KAZN: variants seen among roughly 807,000 people sequenced by gnomAD.
KAZN encodes the protein kazrin, periplakin interacting protein.
In KAZN, 40 loss-of-function variants were observed where a neutral mutation model predicts 87.4. The observed-to-expected ratio is 0.46, with a 90% CI of 0.36 to 0.60. The LOEUF is 0.60. Among genes scored for constraint, KAZN ranks in the 20% least tolerant of loss-of-function variants. The probability of loss-of-function intolerance (pLI) is 0.00; values close to 1 mark genes in which losing one functional copy is unlikely to be tolerated. For missense variants in KAZN, 898 were observed against 1,073.9 expected (o/e 0.84, Z 2.29); for synonymous variants, 466 against 458.3 (o/e 1.02, Z -0.22).
intron 2 of KAZN, among the ~76,000 whole-genome samples, chr1:14,343,597 G>T (rs1261942106): frequency 6.6e-6 from 1 of 152,110 alleles, no homozygotes; most frequent in Non-Finnish European, 1.5e-5. Flanking sequence ...CCTCAAAGAG[G>T]ATCATCATCT....
At chr1:14,538,534 G>T (rs1412730484) in intron 2 of KAZN, among the ~76,000 whole-genome samples, 2 of 152,180 alleles carry the variant, frequency 1.3e-5, no homozygotes, top group African/African-American at 4.8e-5. Flanking sequence ...CTCACATGGT[G>T]GAAGGTGAGA....
At chr1:14,371,647 G>A (rs138387607) in intron 2 of KAZN, among the ~76,000 whole-genome samples, 3 of 152,286 alleles carry the variant, frequency 2.0e-5, no homozygotes, top group African/African-American at 7.2e-5. Context: ...CATGACAAGA[G>A]AGTAAGAATG....
At chr1:13,989,320 A>G (rs1470127112) in intron 1 of KAZN, among the ~76,000 whole-genome samples, 1 of 152,160 alleles carries the variant, frequency 6.6e-6, no homozygotes, top group Non-Finnish European at 1.5e-5. Context: ...CACCTACTAT[A>G]TAAAAAGCAC....
intron 1 of KAZN, among the ~76,000 whole-genome samples, chr1:13,917,797 CAAAAAAAAA>C (rs35268955): frequency 2.6e-5 from 2 of 77,946 alleles, no homozygotes; most frequent in African/African-American, 1.1e-4. Flanking sequence ...CCTGTGTCAT[CAAAAAAAAA>C]AAAAAAAAAA....
At chr1:15,004,766 T>G (rs1668831935) in intron 2 of KAZN, among the ~76,000 whole-genome samples, 1 of 152,186 alleles carries the variant, frequency 6.6e-6, no homozygotes, top group Admixed American at 6.5e-5. Context: ...AATCCTGCCT[T>G]AAGCGCTCAT....
chr1:14,884,979 G>T (rs72870381), intron 1 of KAZN, among the ~76,000 whole-genome samples: 203 of 152,336 alleles, frequency 1.3e-3, no homozygotes, highest in African/African-American at 4.7e-3. Flanking sequence ...AACACGTATC[G>T]TAATGCTGTG....
intron 1 of KAZN, among the ~76,000 whole-genome samples, chr1:14,955,811 C>T (rs74059691): frequency 0.087 from 13,185 of 152,244 alleles, 1,858 homozygotes; most frequent in African/African-American, 0.29. Context: ...GATGCCCTTC[C>T]TGTGCCTGCC....
At position 14,919,179 on chromosome 1, in the gene KAZN, TTTTG is replaced by T. The variant is rs1019626748; in HGVS notation, c.227-41493_227-41490del. Among the ~76,000 whole-genome samples the T allele has an allele frequency of 5.3e-5, 8 of 152,224 alleles. No homozygotes were observed. In the East Asian group the frequency reaches 7.7e-4, roughly 15 times the overall value. On this transcript the variant is annotated intron_variant, in intron 1 of 14. Transcript: ENST00000376030. The stretch of plus-strand genomic sequence containing the variant: ...TCAGATGCAGAGACAGGAGGCACTT[TTTTG>T]TTTGTTTGTTTTTGAGACAGTCTCG...
chr1:14,683,688 CT>C lies in KAZN; in HGVS notation c.226+84466del, dbSNP rs893930717. 9.2e-5 allele frequency among the ~76,000 whole-genome samples: 14 copies of C among 152,334 alleles called. No individual in the cohort carries two copies. The East Asian group carries it at 1.7e-3, about 19-fold the overall frequency. ...ATCTTCTCCCCAGCTCCCAGCCCCC[CT>C]ATCTGGTACCAAGGAGATCCTCAGG... On this transcript the variant is annotated intron_variant, in intron 1 of 14. Coordinates refer to ENST00000376030, the MANE Select transcript of KAZN (RefSeq NM_201628.3).
At chr1:14,510,846 G>A (rs1670863340) in intron 2 of KAZN, among the ~76,000 whole-genome samples, 1 of 152,196 alleles carries the variant, frequency 6.6e-6, no homozygotes, top group African/African-American at 2.4e-5. Context: ...AATGGACTGG[G>A]AGGTATGGAC....
chr1:15,098,481 G>A (rs566965034), intron 10 of KAZN, among the ~76,000 whole-genome samples: 1 of 152,326 alleles, frequency 6.6e-6, no homozygotes, highest in African/African-American at 2.4e-5. Context: ...TAAGTGGGGT[G>A]CCCCCTTTGC....
chr1:14,457,465 T>G (rs1667625727), intron 2 of KAZN, among the ~76,000 whole-genome samples: 1 of 152,248 alleles, frequency 6.6e-6, no homozygotes, highest in Non-Finnish European at 1.5e-5. Flanking sequence ...ATTTCTTCTT[T>G]CTGTCATCTG....
chr1:14,951,439 CTCTG>C (rs1662468771), intron 1 of KAZN, among the ~76,000 whole-genome samples: 1 of 144,674 alleles, frequency 6.9e-6, no homozygotes, highest in East Asian at 2.0e-4. Flanking sequence ...GTCATTGTGT[CTCTG>C]TCTTTTTTTT....
intron 1 of KAZN, among the ~76,000 whole-genome samples, chr1:14,604,885 G>C (rs1366670172): frequency 6.6e-6 from 1 of 152,224 alleles, no homozygotes; most frequent in Non-Finnish European, 1.5e-5. Flanking sequence ...AGGCTGGAGA[G>C]GGGAGAGAAG....
At chr1:14,642,872 C>A (rs1486198213) in intron 1 of KAZN, among the ~76,000 whole-genome samples, 2 of 152,082 alleles carry the variant, frequency 1.3e-5, no homozygotes, top group Non-Finnish European at 2.9e-5. Flanking sequence ...AAAAGACAGA[C>A]AATACTAAGT....
chr1:14,004,071 C>A (rs1295330356), intron 1 of KAZN, among the ~76,000 whole-genome samples: 1 of 151,122 alleles, frequency 6.6e-6, no homozygotes, highest in African/African-American at 2.4e-5. Flanking sequence ...AGGGTTTTAG[C>A]ATTCACCTCC....
chr1:13,995,032 C>T (rs931668619), intron 1 of KAZN, among the ~76,000 whole-genome samples: 3 of 152,112 alleles, frequency 2.0e-5, no homozygotes, highest in Non-Finnish European at 4.4e-5. Flanking sequence ...TAAATTTCCT[C>T]TTTGAAAAGA....
At chr1:14,060,533 G>T (rs1642754284) in intron 1 of KAZN, among the ~76,000 whole-genome samples, 2 of 152,068 alleles carry the variant, frequency 1.3e-5, no homozygotes, top group Admixed American at 6.6e-5. Context: ...TTAATTCAAG[G>T]GTTTGTAGAG....
At chr1:14,326,334 C>T (rs1369807288) in intron 2 of KAZN, among the ~76,000 whole-genome samples, 4 of 152,260 alleles carry the variant, frequency 2.6e-5, no homozygotes, top group Admixed American at 6.5e-5. Flanking sequence ...TGTAACCCAT[C>T]TGGAAATTTT....
Sources: gnomAD v4.1 joint callset for allele counts (sites outside exome capture counted in the v4.1 genomes callset) on GRCh38, gnomAD v4.1.1 for gene constraint, MANE v1.5 for transcripts, NCBI Gene and HGNC (gene_info 2026-07-23, HGNC 2026-07-21) for gene names.